IL20RA: variants seen among roughly 807,000 people sequenced by gnomAD.
IL20RA encodes the protein interleukin-20 receptor subunit alpha.
Under a neutral mutation model 36.5 loss-of-function variants are expected in IL20RA, and 29 were observed. That is an observed-to-expected ratio of 0.79 (90% CI 0.59 to 1.08). IL20RA has a LOEUF of 1.08. IL20RA is among the 50% of genes least tolerant of loss of function. IL20RA has a pLI of 0.00. For missense variants in IL20RA, 652 were observed against 668.4 expected, an observed-to-expected ratio of 0.98 and a Z score of 0.27; for synonymous variants, 279 against 267.1, an observed-to-expected ratio of 1.04 and a Z score of -0.43.
At position 137,011,437 on chromosome 6, in the gene IL20RA, T is replaced by C. The variant is rs752780342; in HGVS notation, c.240A>G (p.Lys80=). The C allele has an allele frequency of 3.1e-6, 5 of 1,612,464 alleles. No individual in the cohort carries two copies. Among genetic ancestry groups the C allele is most frequent in the Admixed American group, 1.7e-5 (1 of 59,948 alleles). Residue 80 remains lysine (K), a synonymous_variant, in exon 3 of 7, where the codon AAA becomes AAG. Coordinates refer to ENST00000316649, the MANE Select transcript of IL20RA (RefSeq NM_014432.4). ...TTCTGCATTCTGATTTATTCAGCCA[T>C]TTCTTTTGCCCATATCTGCTAAGAA... is the stretch of plus-strand genomic sequence containing the variant. ...TVQYFIYGQK[K]WLNKSECRNI...
intron 3 of IL20RA, among the ~76,000 whole-genome samples, chr6:137,009,842 G>A (rs1775419668): frequency 6.6e-6 from 1 of 152,044 alleles, no homozygotes; most frequent in Non-Finnish European, 1.5e-5. Context: ...CTGATCCTGT[G>A]ATCCGTCCAC....
intron 2 of IL20RA, among the ~76,000 whole-genome samples, chr6:137,014,700 T>TCC (rs146490348): frequency 6.6e-6 from 1 of 150,514 alleles, no homozygotes; most frequent in African/African-American, 2.4e-5. Context: ...CACTTATAGT[T>TCC]CCCCCCCCCT....
chr6:137,034,022 A>G (rs895277807), intron 1 of IL20RA, among the ~76,000 whole-genome samples: 1 of 152,196 alleles, frequency 6.6e-6, no homozygotes, highest in African/African-American at 2.4e-5. Context: ...GAAGTGGTAA[A>G]TAGTACCTAT....
chr6:137,018,183 G>T (rs438098), intron 1 of IL20RA, among the ~76,000 whole-genome samples: 124,790 of 152,184 alleles, frequency 0.82, 56,560 homozygotes, highest in East Asian at 1. Context: ...CTTGGCTAAG[G>T]ATCATAATTC....
intron 1 of IL20RA, among the ~76,000 whole-genome samples, chr6:137,025,573 T>A (rs1776057150): frequency 1.3e-5 from 2 of 152,186 alleles, no homozygotes. Context: ...AAGGAAAAAG[T>A]TCTCTGTTTG....
chr6:137,005,961 G>T (rs1430540637), intron 5 of IL20RA, among the ~76,000 whole-genome samples: 3 of 152,020 alleles, frequency 2.0e-5, no homozygotes, highest in Admixed American at 2.0e-4. Flanking sequence ...TAAATATATC[G>T]ATATGTGCAT....
At chr6:137,013,236 C>T (rs1380502396) in intron 2 of IL20RA, among the ~76,000 whole-genome samples, 1 of 152,186 alleles carries the variant, frequency 6.6e-6, no homozygotes, top group East Asian at 1.9e-4. Context: ...AGACTATTGC[C>T]ATTGCCTATG....
intron 1 of IL20RA, among the ~76,000 whole-genome samples, chr6:137,040,355 C>G (rs910891311): frequency 1.3e-5 from 2 of 151,976 alleles, no homozygotes; most frequent in African/African-American, 4.8e-5. Flanking sequence ...CTCCGTCCAC[C>G]GAGAGCACCT....
intron 1 of IL20RA, among the ~76,000 whole-genome samples, chr6:137,040,342 C>T (rs946919851): frequency 2.1e-5 from 3 of 146,080 alleles, no homozygotes; most frequent in African/African-American, 7.6e-5. Flanking sequence ...ACATATTTCC[C>T]AGCTCCGTCC....
chr6:137,004,425 C>T (rs1025049049), intron 6 of IL20RA, among the ~76,000 whole-genome samples, 196 bp downstream of exon 6: 5 of 152,110 alleles, frequency 3.3e-5, no homozygotes, highest in African/African-American at 1.2e-4. Context: ...ATCCAACTGC[C>T]TCGGCCACCC....
chr6:137,041,975 C>T (rs1032032859), intron 1 of IL20RA, among the ~76,000 whole-genome samples: 8 of 152,128 alleles, frequency 5.3e-5, no homozygotes, highest in Non-Finnish European at 1.0e-4. Flanking sequence ...CCCCCACCCC[C>T]CGACAGGCTC....
At chr6:137,016,328 C>G (rs1775683219) in intron 2 of IL20RA, among the ~76,000 whole-genome samples, 1 of 152,208 alleles carries the variant, frequency 6.6e-6, no homozygotes, top group South Asian at 2.1e-4. Context: ...AGGTGGGCCT[C>G]TTTGCACTGT....
chr6:137,016,678 T>C (rs1298776247), intron 2 of IL20RA, among the ~76,000 whole-genome samples: 1 of 152,186 alleles, frequency 6.6e-6, no homozygotes, highest in African/African-American at 2.4e-5. Flanking sequence ...AATTTCAAGA[T>C]GATGGATTGC....
chr6:137,030,156 C>T (rs1776230511), intron 1 of IL20RA, among the ~76,000 whole-genome samples: 1 of 128,572 alleles, frequency 7.8e-6, no homozygotes, highest in African/African-American at 2.8e-5. Flanking sequence ...TCATAGCTCA[C>T]TGCAGCCTCA....
At chr6:137,018,246 A>G (rs1775772655) in intron 1 of IL20RA, among the ~76,000 whole-genome samples, 1 of 152,180 alleles carries the variant, frequency 6.6e-6, no homozygotes, top group Non-Finnish European at 1.5e-5. Context: ...GTGTGAGGTA[A>G]TCCTTAGTTA....
chr6:137,023,036 C>G (rs1775958847), intron 1 of IL20RA, among the ~76,000 whole-genome samples: 1 of 152,194 alleles, frequency 6.6e-6, no homozygotes, highest in Non-Finnish European at 1.5e-5. Context: ...CCCTTGAATA[C>G]TAACACAGTG....
intron 4 of IL20RA, 127 bp downstream of exon 4, chr6:137,009,190 G>A (rs914119262): frequency 4.5e-5 from 37 of 830,616 alleles, no homozygotes; most frequent in South Asian, 3.9e-4. Context: ...TATTTTGTGC[G>A]GCGTATCTTT....
intron 6 of IL20RA, 128 bp downstream of exon 6, chr6:137,004,493 T>G (rs1405609935): frequency 6.2e-6 from 6 of 971,344 alleles, no homozygotes; most frequent in African/African-American, 3.3e-5. Context: ...TGTTTTTTAA[T>G]TCACCAGCTA....
chr6:137,035,321 T>C (rs1776455242), intron 1 of IL20RA, among the ~76,000 whole-genome samples: 1 of 152,220 alleles, frequency 6.6e-6, no homozygotes, highest in Non-Finnish European at 1.5e-5. Context: ...TATATACATA[T>C]GCATACATGT....
Sources: gnomAD v4.1 joint callset for allele counts (sites outside exome capture counted in the v4.1 genomes callset) on GRCh38, gnomAD v4.1.1 for gene constraint, MANE v1.5 for transcripts, NCBI Gene and HGNC (gene_info 2026-07-23, HGNC 2026-07-21) for gene names.